GRM8: variants seen among roughly 807,000 people sequenced by gnomAD.
The protein encoded by GRM8 is metabotropic glutamate receptor 8.
GRM8 carries 47 observed loss-of-function variants against 87.2 expected under a neutral mutation model. That is an observed-to-expected ratio of 0.54 (90% CI 0.43 to 0.69). The LOEUF (loss-of-function observed/expected upper bound fraction) is 0.69. Ranked by LOEUF, GRM8 falls within the 30% of genes least tolerant of loss-of-function variation. GRM8 has a pLI of 0.00. For missense variants in GRM8, 1,019 were observed against 1,139.2 expected, an observed-to-expected ratio of 0.89 and a Z score of 1.52; for synonymous variants, 396 against 404.5, an observed-to-expected ratio of 0.98 and a Z score of 0.25.
At chr7:126,834,335 G>T (rs1795656086) in intron 6 of GRM8, among the ~76,000 whole-genome samples, 1 of 152,198 alleles carries the variant, frequency 6.6e-6, no homozygotes, top group African/African-American at 2.4e-5. Context: ...TATCCTAATG[G>T]AGTCACTCTG....
intron 8 of GRM8, among the ~76,000 whole-genome samples, chr7:126,537,635 G>T (rs1281733761): frequency 6.6e-6 from 1 of 151,978 alleles, no homozygotes; most frequent in Non-Finnish European, 1.5e-5. Context: ...AAATTAGCCG[G>T]GCATGGTGGC....
intron 7 of GRM8, among the ~76,000 whole-genome samples, chr7:126,645,516 C>CCAAG (rs1466443347): frequency 6.6e-6 from 1 of 152,194 alleles, no homozygotes; most frequent in Non-Finnish European, 1.5e-5. Context: ...ACCCTAGCCT[C>CCAAG]CAAGCTATTA....
chr7:126,780,779 T>A (rs1381176216), intron 6 of GRM8, among the ~76,000 whole-genome samples: 1 of 151,904 alleles, frequency 6.6e-6, no homozygotes, highest in Non-Finnish European at 1.5e-5. Context: ...GGAGTCTATC[T>A]GTCTTCTTTC....
At chr7:126,678,847 T>G (rs912809473) in intron 7 of GRM8, among the ~76,000 whole-genome samples, 2 of 152,222 alleles carry the variant, frequency 1.3e-5, no homozygotes, top group African/African-American at 4.8e-5. Flanking sequence ...TCCTCTCTAT[T>G]GTATTAAATT....
chr7:127,015,084 GAAGGAGA>G (rs1815401614), intron 3 of GRM8, among the ~76,000 whole-genome samples: 1 of 140,846 alleles, frequency 7.1e-6, no homozygotes, highest in Non-Finnish European at 1.5e-5. Context: ...AGAAGGAGAA[GAAGGAGA>G]AGAAGGAGAA....
At chr7:126,459,333 C>G (rs1302150885) in intron 9 of GRM8, among the ~76,000 whole-genome samples, 1 of 151,028 alleles carries the variant, frequency 6.6e-6, no homozygotes, top group South Asian at 2.1e-4. Context: ...AAAGGTAGTA[C>G]GTGACTGACA....
chr7:126,526,517 G>A (rs1416075865), intron 9 of GRM8, among the ~76,000 whole-genome samples: 2 of 152,084 alleles, frequency 1.3e-5, no homozygotes, highest in Non-Finnish European at 2.9e-5. Flanking sequence ...AATTTCAATT[G>A]AAAAATACCA....
At chr7:126,864,035 T>TG in intron 6 of GRM8, among the ~76,000 whole-genome samples, 1 of 1,474 alleles carries the variant, frequency 6.8e-4, no homozygotes, top group Admixed American at 0.015. Context: ...TATGTGTGGC[T>TG]TTTTTTTTTT....
At chr7:127,190,022 C>G (rs1160732493) in intron 2 of GRM8, among the ~76,000 whole-genome samples, 1 of 152,240 alleles carries the variant, frequency 6.6e-6, no homozygotes, top group Non-Finnish European at 1.5e-5. Flanking sequence ...TGAGGGCTGG[C>G]TAGATGGCTC....
intron 7 of GRM8, among the ~76,000 whole-genome samples, chr7:126,619,936 C>CTCT (rs1563021514): frequency 1.3e-5 from 2 of 151,998 alleles, no homozygotes; most frequent in African/African-American, 4.8e-5. Flanking sequence ...AGCAATCCTC[C>CTCT]CTCCTTGGCC....
At chr7:126,773,748 C>T (rs1819119764) in intron 6 of GRM8, among the ~76,000 whole-genome samples, 1 of 152,054 alleles carries the variant, frequency 6.6e-6, no homozygotes, top group South Asian at 2.1e-4. Context: ...GTAATCCCAA[C>T]ATTTCGAAAG....
intron 2 of GRM8, among the ~76,000 whole-genome samples, chr7:127,126,975 C>G (rs1255640444): frequency 6.6e-6 from 1 of 151,682 alleles, no homozygotes. Flanking sequence ...TAAAAAGATG[C>G]TAAATCATAT....
chr7:126,862,698 A>G lies in GRM8; in HGVS notation c.1156+39844T>C, dbSNP rs909651897. Reference sequence around the variant, plus strand: ...CTTCCTATGTTGATATTGAAAATTTATATTTAGAAAATCGTTCAGTTAGTC... The same window carrying G: ...CTTCCTATGTTGATATTGAAAATTTGTATTTAGAAAATCGTTCAGTTAGTC... On this transcript the variant is annotated intron_variant, in intron 6 of 10. Coordinates refer to ENST00000339582, the MANE Select transcript of GRM8 (RefSeq NM_000845.3). Among the ~76,000 whole-genome samples, 3 of 152,074 alleles carry G rather than the reference A, an allele frequency of 2.0e-5. No individual in the cohort carries two copies. The East Asian group carries it at 5.8e-4, about 29-fold the overall frequency.
chr7:127,199,916 CT>C (rs1165902640), intron 2 of GRM8, among the ~76,000 whole-genome samples: 1 of 152,066 alleles, frequency 6.6e-6, no homozygotes, highest in Non-Finnish European at 1.5e-5. Flanking sequence ...TTCAGCTTTG[CT>C]TTTTTTGCGG....
In GRM8 at chr7:126,671,927, A is replaced by AC. The variant is rs533673042; in HGVS notation, c.1358-62430dup. On this transcript the variant is annotated intron_variant, in intron 7 of 10. Transcript: ENST00000339582. ...TGGCTTATGACAAGGAGTCCATGCG[A>AC]CCCCCGCTGAGACACATTTTTGTCT... is the stretch of plus-strand genomic sequence containing the variant. Among the ~76,000 whole-genome samples, 448 of 151,620 alleles carry AC rather than the reference A, an allele frequency of 3.0e-3. 6 individuals are homozygous for AC. Among genetic ancestry groups the AC allele is most frequent in the Admixed American group, 9.1e-3 (139 of 15,192 alleles).
intron 2 of GRM8, among the ~76,000 whole-genome samples, chr7:127,114,639 G>A (rs1272774190): frequency 1.3e-5 from 2 of 152,148 alleles, no homozygotes; most frequent in Non-Finnish European, 2.9e-5. Context: ...TTCAAAGATG[G>A]TTTGCTACTA....
At chr7:126,846,095 G>C (rs1796691623) in intron 6 of GRM8, among the ~76,000 whole-genome samples, 1 of 151,764 alleles carries the variant, frequency 6.6e-6, no homozygotes, top group African/African-American at 2.4e-5. Flanking sequence ...ACACATATTT[G>C]GGGCTCAGTA....
intron 6 of GRM8, among the ~76,000 whole-genome samples, chr7:126,784,857 T>C (rs1820465261): frequency 6.6e-6 from 1 of 152,184 alleles, no homozygotes; most frequent in African/African-American, 2.4e-5. Context: ...TAACTCTTTT[T>C]ATTACAGCTC....
At chr7:126,987,347 A>C (rs1812176051) in intron 3 of GRM8, among the ~76,000 whole-genome samples, 1 of 152,132 alleles carries the variant, frequency 6.6e-6, no homozygotes. Context: ...CCTGCTCGGC[A>C]TCCACCAAAC....
Sources: gnomAD v4.1 joint callset for allele counts (sites outside exome capture counted in the v4.1 genomes callset) on GRCh38, gnomAD v4.1.1 for gene constraint, MANE v1.5 for transcripts, NCBI Gene and HGNC (gene_info 2026-07-23, HGNC 2026-07-21) for gene names.